Variants in SP110 observed in about 807,000 individuals in gnomAD.
SP110 encodes the protein interferon-induced protein 41, 30kD.
Under a neutral mutation model 92.7 loss-of-function variants are expected in SP110, and 62 were observed. The ratio of observed to expected loss-of-function variants is 0.67; its 90% CI spans 0.55 to 0.83. SP110 has a LOEUF of 0.83. Ranked by LOEUF, SP110 falls within the 40% of genes least tolerant of loss-of-function variation. SP110 has a pLI of 0.00. For synonymous variants in SP110, 273 were observed against 305.3 expected (o/e 0.89, Z 1.10); for missense variants, 793 against 863.9 (o/e 0.92, Z 1.03).
At chr2:230,190,495 A>T (rs76901423) in intron 10 of SP110, among the ~76,000 whole-genome samples, 1 of 151,992 alleles carries the variant, frequency 6.6e-6, no homozygotes, top group Non-Finnish European at 1.5e-5. Flanking sequence ...TTTTTCTCCC[A>T]TTCTGTAGGT....
chr2:230,207,202 A>G (rs1484336224), intron 8 of SP110, among the ~76,000 whole-genome samples: 1 of 152,168 alleles, frequency 6.6e-6, no homozygotes, highest in East Asian at 1.9e-4. Context: ...ATGTATCTAA[A>G]CAGAAAAATC....
At chr2:230,177,825 G>T in intron 13 of SP110, 145 bp from the exon 14 acceptor site, 1 of 961,596 alleles carries the variant, frequency 1.0e-6, no homozygotes, top group South Asian at 1.3e-5. Flanking sequence ...GGAGTCTGCG[G>T]GCCTCTTCTC....
chr2:230,195,277 A>T (rs4973297), intron 10 of SP110, among the ~76,000 whole-genome samples: 120,620 of 151,776 alleles, frequency 0.79, 48,060 homozygotes, highest in Admixed American at 0.84. Context: ...AAATTGAATT[A>T]GGGGATTGAA....
intron 8 of SP110, among the ~76,000 whole-genome samples, chr2:230,204,789 C>T (rs1162658465): frequency 6.6e-6 from 1 of 151,952 alleles, no homozygotes; most frequent in Admixed American, 6.6e-5. Flanking sequence ...AGTATGTATT[C>T]CTGAGATAGA....
chr2:230,224,254 T>C (rs2046058016), upstream of SP110, among the ~76,000 whole-genome samples: 1 of 152,076 alleles, frequency 6.6e-6, no homozygotes, highest in South Asian at 2.1e-4. Context: ...AAATGTCCAG[T>C]TCATTGGTGT....
At chr2:230,197,439 A>G (rs1471635572) in intron 10 of SP110, among the ~76,000 whole-genome samples, 1 of 151,102 alleles carries the variant, frequency 6.6e-6, no homozygotes, top group African/African-American at 2.4e-5. Flanking sequence ...GATTCTGGAT[A>G]TTAGCCCTTT....
intron 14 of SP110, chr2:230,176,626 G>A: frequency 6.2e-7 from 1 of 1,613,954 alleles, no homozygotes; most frequent in Non-Finnish European, 8.5e-7. Context: ...TCCAGACAGG[G>A]AAAGTCTGCA....
At chr2:230,196,058 A>C (rs2042857894) in intron 10 of SP110, among the ~76,000 whole-genome samples, 1 of 152,230 alleles carries the variant, frequency 6.6e-6, no homozygotes, top group African/African-American at 2.4e-5. Context: ...AAACATTTAA[A>C]AAGTTTTATT....
intron 17 of SP110, chr2:230,171,047 G>T (rs943994295): frequency 1.9e-6 from 1 of 515,176 alleles, no homozygotes; most frequent in African/African-American, 1.9e-5. Context: ...GTCTCAGCAA[G>T]AAAGTGGTAG....
intron 7 of SP110, among the ~76,000 whole-genome samples, chr2:230,209,591 T>C (rs1318764707): frequency 3.3e-5 from 5 of 152,170 alleles, no homozygotes; most frequent in Non-Finnish European, 7.3e-5. Flanking sequence ...TGCCTAGCCA[T>C]GTCTTAAGAG....
intron 10 of SP110, among the ~76,000 whole-genome samples, chr2:230,198,058 C>T (rs576377904): frequency 1.3e-5 from 2 of 152,334 alleles, no homozygotes; most frequent in South Asian, 4.1e-4. Flanking sequence ...GGTGGTTTAA[C>T]ATTGAAAAGT....
intron 11 of SP110, among the ~76,000 whole-genome samples, 177 bp downstream of exon 11, chr2:230,185,817 A>G (rs1361544321): frequency 2.0e-5 from 3 of 152,042 alleles, no homozygotes; most frequent in Non-Finnish European, 4.4e-5. Context: ...CCCTGAGAAC[A>G]CTTCTTCCAA....
At chr2:230,215,576 C>T (rs1574782082) in intron 2 of SP110, among the ~76,000 whole-genome samples, 2 of 152,222 alleles carry the variant, frequency 1.3e-5, no homozygotes, top group East Asian at 3.8e-4. Flanking sequence ...TGAGATAAGC[C>T]TGAATGGATT....
At chr2:230,183,865 T>C (rs2042237721) in intron 11 of SP110, among the ~76,000 whole-genome samples, 2 of 152,176 alleles carry the variant, frequency 1.3e-5, no homozygotes, top group African/African-American at 4.8e-5. Flanking sequence ...AAATTTCCAC[T>C]AATTAATATA....
chr2:230,178,059 G>A, intron 13 of SP110, 98 bp downstream of exon 13: 1 of 773,856 alleles, frequency 1.3e-6, no homozygotes, highest in East Asian at 2.7e-5. Flanking sequence ...TAGCTAGCAG[G>A]GTCCATTTCC....
upstream of SP110, among the ~76,000 whole-genome samples, chr2:230,220,309 T>G (rs945123487): frequency 6.6e-6 from 1 of 152,164 alleles, no homozygotes; most frequent in African/African-American, 2.4e-5. Context: ...TTCTGTACAT[T>G]TTAGGTTGAT....
At chr2:230,174,107 T>C (rs2041742730) in intron 14 of SP110, 1 of 149,808 alleles carries the variant, frequency 6.7e-6, no homozygotes, top group Non-Finnish European at 1.5e-5. Context: ...GGTTTGTGTT[T>C]CCACATGGTG....
chr2:230,223,734 A>G (rs1449873655), upstream of SP110, among the ~76,000 whole-genome samples: 1 of 152,236 alleles, frequency 6.6e-6, no homozygotes, highest in Non-Finnish European at 1.5e-5. Context: ...AAGTTGGCAA[A>G]TTAAATTACA....
At chr2:230,172,040 A>G in intron 16 of SP110, 26 bp downstream of exon 16, 1 of 1,341,950 alleles carries the variant, frequency 7.5e-7, no homozygotes, top group Non-Finnish European at 1.1e-6. Flanking sequence ...GGAAAAGTAT[A>G]GGTTTGGGGT....
Sources: gnomAD v4.1 joint callset for allele counts (sites outside exome capture counted in the v4.1 genomes callset) on GRCh38, gnomAD v4.1.1 for gene constraint, MANE v1.5 for transcripts, NCBI Gene and HGNC (gene_info 2026-07-23, HGNC 2026-07-21) for gene names.